Variants in SEC24D observed in about 807,000 individuals in gnomAD.
SEC24D encodes SEC24 homolog D, COPII component, also known as protein transport protein Sec24D.
Under a neutral mutation model 116.9 loss-of-function variants are expected in SEC24D, and 69 were observed. That is an observed-to-expected ratio of 0.59 (90% CI 0.49 to 0.72). The LOEUF (loss-of-function observed/expected upper bound fraction) is 0.72, where lower values mean the gene tolerates loss of function less well. Ranked by LOEUF, SEC24D falls within the 30% of genes least tolerant of loss-of-function variation. SEC24D has a pLI of 0.00. For synonymous variants in SEC24D, 405 were observed against 442.8 expected, an observed-to-expected ratio of 0.91 and a Z score of 1.07; for missense variants, 1,131 against 1,264.1, an observed-to-expected ratio of 0.89 and a Z score of 1.60.
At chr4:118,746,006 G>T (rs1726504089) in intron 13 of SEC24D, among the ~76,000 whole-genome samples, 1 of 151,960 alleles carries the variant, frequency 6.6e-6, no homozygotes, top group African/African-American at 2.4e-5. Context: ...TGAGACTCTT[G>T]TCTCTACAAA....
intron 8 of SEC24D, among the ~76,000 whole-genome samples, chr4:118,792,340 G>A (rs1271217404): frequency 6.6e-6 from 1 of 151,866 alleles, no homozygotes; most frequent in African/African-American, 2.4e-5. Flanking sequence ...CGGCCACCCT[G>A]TCTAGGAAGT....
intron 7 of SEC24D, among the ~76,000 whole-genome samples, chr4:118,799,032 C>T (rs1578448444): frequency 1.3e-5 from 2 of 152,192 alleles, no homozygotes; most frequent in Admixed American, 1.3e-4. Context: ...GAGTGTCATG[C>T]TGTAATGTAG....
chr4:118,792,604 C>T (rs1728977352), intron 8 of SEC24D, among the ~76,000 whole-genome samples: 1 of 152,334 alleles, frequency 6.6e-6, no homozygotes, highest in African/African-American at 2.4e-5. Context: ...CAACCCCGTG[C>T]TCTCTGAAAC....
intron 9 of SEC24D, among the ~76,000 whole-genome samples, chr4:118,767,134 G>C (rs1727680631): frequency 6.6e-6 from 1 of 152,234 alleles, no homozygotes; most frequent in South Asian, 2.1e-4. Context: ...CCAAAGGTCT[G>C]CATGAGAAGC....
chr4:118,798,358 A>T (rs1236150901), intron 7 of SEC24D, among the ~76,000 whole-genome samples: 1 of 152,184 alleles, frequency 6.6e-6, no homozygotes, highest in African/African-American at 2.4e-5. Flanking sequence ...TAGAAATATT[A>T]TTTTCAAAAA....
At chr4:118,808,150 G>A (rs562179352) in intron 6 of SEC24D, among the ~76,000 whole-genome samples, 6 of 152,186 alleles carry the variant, frequency 3.9e-5, no homozygotes, top group African/African-American at 1.4e-4. Flanking sequence ...TTGTAGAGAT[G>A]GGGTCTAACT....
Position 118,833,568 on chromosome 4 carries a change from A to C in SEC24D, c.118+11T>G. 1 of 1,559,522 alleles carries C rather than the reference A, an allele frequency of 6.4e-7. No homozygotes were observed. Among genetic ancestry groups the C allele is most frequent in the Non-Finnish European group, 8.8e-7 (1 of 1,134,054 alleles). ...GAATAATCACATACAAGTCAAAATA[A>C]CACACTGTACCTGTTGGAGATGCTG... is the stretch of plus-strand genomic sequence containing the variant. On this transcript the variant is annotated intron_variant, in intron 2 of 22. Coordinates refer to ENST00000280551, the MANE Select transcript of SEC24D (RefSeq NM_014822.4).
At chr4:118,777,702 G>A (rs1162014075) in intron 8 of SEC24D, among the ~76,000 whole-genome samples, 1 of 152,164 alleles carries the variant, frequency 6.6e-6, no homozygotes, top group Non-Finnish European at 1.5e-5. Context: ...TTCCACAATG[G>A]TTGAACTAGT....
rs114741245 is a variant in SEC24D, at chr4:118,808,414, A to G, written c.802-2460T>C. On this transcript the variant is annotated intron_variant, in intron 6 of 22. Transcript: ENST00000280551. ...TCTTCAATAGACTGAATTTCCAAAA[A>G]GTTTATTTTTAAATTATCCATTTGC... Among the ~76,000 whole-genome samples, 473 of 152,324 alleles carry G rather than the reference A, an allele frequency of 3.1e-3. 3 individuals carry two copies. Among genetic ancestry groups the G allele is most frequent in the African/African-American group, 0.011 (450 of 41,560 alleles).
At chr4:118,816,289 A>G (rs34596379) in intron 4 of SEC24D, among the ~76,000 whole-genome samples, 23,633 of 152,080 alleles carry the variant, frequency 0.16, 1,934 homozygotes, top group Non-Finnish European at 0.17. Context: ...TTCATAGAAT[A>G]AATTTTAACT....
At chr4:118,831,073 G>A (rs1730831980) in intron 2 of SEC24D, among the ~76,000 whole-genome samples, 1 of 152,210 alleles carries the variant, frequency 6.6e-6, no homozygotes, top group Non-Finnish European at 1.5e-5. Flanking sequence ...CCAGGCTGGA[G>A]TGCAGTGGCG....
At chr4:118,795,521 T>TAGTA (rs1729141448) in intron 8 of SEC24D, among the ~76,000 whole-genome samples, 1 of 152,030 alleles carries the variant, frequency 6.6e-6, no homozygotes, top group South Asian at 2.1e-4. Flanking sequence ...AAACCTCTTA[T>TAGTA]AGTAGGCCAA....
intron 3 of SEC24D, among the ~76,000 whole-genome samples, chr4:118,820,192 T>C (rs1365901521): frequency 6.6e-6 from 1 of 151,038 alleles, no homozygotes; most frequent in East Asian, 1.9e-4. Context: ...TTTTTTTTTT[T>C]TTTTTGAGAC....
chr4:118,784,081 T>G (rs1216567476), intron 8 of SEC24D, among the ~76,000 whole-genome samples: 1 of 152,256 alleles, frequency 6.6e-6, no homozygotes, highest in Admixed American at 6.5e-5. Flanking sequence ...TCCCCTGTGC[T>G]CCGACTGGGC....
chr4:118,724,493 AT>A (rs1357793868), intron 22 of SEC24D, among the ~76,000 whole-genome samples: 1 of 152,232 alleles, frequency 6.6e-6, no homozygotes, highest in African/African-American at 2.4e-5. Context: ...AAATATAAAA[AT>A]ATCTCAATAA....
intron 15 of SEC24D, among the ~76,000 whole-genome samples, chr4:118,742,337 C>T (rs1280831295): frequency 6.6e-6 from 1 of 150,470 alleles, no homozygotes; most frequent in African/African-American, 2.4e-5. Context: ...TCACATATGC[C>T]AGGAATGGAA....
At chr4:118,825,356 CAAA>C (rs1730555380) in intron 2 of SEC24D, 4 of 328,838 alleles carry the variant, frequency 1.2e-5, no homozygotes, top group African/African-American at 2.2e-5. Flanking sequence ...CTTGCTCAGA[CAAA>C]ATATGGGACC....
intron 6 of SEC24D, among the ~76,000 whole-genome samples, chr4:118,811,730 T>C (rs1729929350): frequency 6.6e-6 from 1 of 152,210 alleles, no homozygotes; most frequent in Non-Finnish European, 1.5e-5. Context: ...TAAATCTCCC[T>C]CCTTCTTTCT....
In SEC24D at chr4:118,815,696, G is replaced by C. The variant is rs1178375384; in HGVS notation, c.428C>G (p.Pro143Arg). ...GSGMAPPSQG[P>R]PGPLSATSLQ... ...TGATGTGGCTGACAGAGGGCCAGGG[G>C]GTCCCTGGCTTGGAGGAGCCATGCC... Residue 143 changes from proline (P) to arginine (R), a missense_variant, in exon 5 of 23, where the codon CCC (proline) becomes CGC (arginine). Coordinates refer to ENST00000280551, the MANE Select transcript of SEC24D (RefSeq NM_014822.4). 2 of 1,613,864 alleles carry C rather than the reference G, an allele frequency of 1.2e-6. No homozygotes were observed. The highest frequency in any genetic ancestry group is 2.7e-5 in the African/African-American group (2 of 74,920).
Sources: gnomAD v4.1 joint callset for allele counts (sites outside exome capture counted in the v4.1 genomes callset) on GRCh38, gnomAD v4.1.1 for gene constraint, MANE v1.5 for transcripts, NCBI Gene and HGNC (gene_info 2026-07-23, HGNC 2026-07-21) for gene names.